XPO6: variants seen among roughly 807,000 people sequenced by gnomAD.
The protein encoded by XPO6 is exportin 6.
Under a neutral mutation model 130.0 loss-of-function variants are expected in XPO6, and 3 were observed. The observed-to-expected ratio is 0.02, with a 90% confidence interval of 0.01 to 0.06. The LOEUF is 0.06. XPO6 is among the 10% of genes least tolerant of loss of function. The pLI, the probability that XPO6 is intolerant of heterozygous loss-of-function variation, is 1.00. For synonymous variants in XPO6, 524 were observed against 548.9 expected (o/e 0.95, Z 0.63); for missense variants, 970 against 1,393.0 (o/e 0.70, Z 4.83).
intron 21 of XPO6, among the ~76,000 whole-genome samples, chr16:28,103,274 T>C (rs1382935929): frequency 2.6e-5 from 4 of 152,186 alleles, no homozygotes; most frequent in Non-Finnish European, 5.9e-5. Context: ...TTCTTTCACC[T>C]GACAGAATGC....
chr16:28,098,656 T>C lies in XPO6; in HGVS notation c.3277-17A>G, dbSNP rs1330908241. 3 of 1,596,528 alleles carry C rather than the reference T, an allele frequency of 1.9e-6. No homozygotes were observed. The highest frequency in any genetic ancestry group is 1.3e-5 in the African/African-American group (1 of 74,760). The stretch of plus-strand genomic sequence containing the variant: ...GGGCAGGTCCTGGAAGGCAGGGGCA[T>C]AGCTGCAGCCAACAACACACCAGGT... On this transcript the variant is annotated splice_polypyrimidine_tract_variant and intron_variant, in intron 23 of 23. Transcript: ENST00000304658.
At chr16:28,199,655 G>C (rs28658541) in intron 1 of XPO6, among the ~76,000 whole-genome samples, 106,588 of 151,524 alleles carry the variant, frequency 0.7, 37,605 homozygotes, top group East Asian at 0.89. Flanking sequence ...CAACCTCCAC[G>C]TCCTGGGTTC....
At chr16:28,168,260 G>T (rs1439401469) in intron 5 of XPO6, among the ~76,000 whole-genome samples, 1 of 152,136 alleles carries the variant, frequency 6.6e-6, no homozygotes, top group African/African-American at 2.4e-5. Context: ...TAAGGCAGGA[G>T]GATCACTTGA....
chr16:28,105,891 C>T (rs1225285960), intron 20 of XPO6, 152 bp downstream of exon 20: 13 of 1,135,330 alleles, frequency 1.1e-5, no homozygotes, highest in Non-Finnish European at 1.6e-5. Context: ...TGTACCACAC[C>T]ACTAAAGGCC....
At chr16:28,182,180 G>A (rs866178267) in intron 1 of XPO6, among the ~76,000 whole-genome samples, 31 of 152,160 alleles carry the variant, frequency 2.0e-4, no homozygotes, top group South Asian at 6.2e-4. Context: ...CATGGACTGA[G>A]ACCTGACTAT....
intron 13 of XPO6, among the ~76,000 whole-genome samples, chr16:28,124,679 A>C (rs2087347700): frequency 6.6e-6 from 1 of 152,258 alleles, no homozygotes; most frequent in Admixed American, 6.5e-5. Context: ...CAAAGTACAG[A>C]ACAAAATGAA....
intron 1 of XPO6, among the ~76,000 whole-genome samples, chr16:28,183,779 A>C (rs1375587648): frequency 2.0e-5 from 3 of 152,202 alleles, no homozygotes; most frequent in Non-Finnish European, 2.9e-5. Flanking sequence ...CTAGAGACTC[A>C]TGCCCTCAGG....
At chr16:28,196,416 G>C (rs1349128473) in intron 1 of XPO6, among the ~76,000 whole-genome samples, 1 of 152,192 alleles carries the variant, frequency 6.6e-6, no homozygotes, top group Non-Finnish European at 1.5e-5. Flanking sequence ...TGGGGCAAGG[G>C]AGAAAGGGGA....
chr16:28,167,290 CTT>C, intron 5 of XPO6: 1 of 985,444 alleles, frequency 1.0e-6, no homozygotes, highest in Non-Finnish European at 1.2e-6. Context: ...CCAAACTCAA[CTT>C]TTCGTTCCCC....
chr16:28,179,563 T>A (rs2043584108), intron 2 of XPO6, among the ~76,000 whole-genome samples: 1 of 152,146 alleles, frequency 6.6e-6, no homozygotes, highest in Non-Finnish European at 1.5e-5. Flanking sequence ...GATGCTTCTG[T>A]TTCCTCCACT....
intron 5 of XPO6, 133 bp downstream of exon 5, chr16:28,169,617 G>A: frequency 8.8e-7 from 1 of 1,139,414 alleles, no homozygotes; most frequent in South Asian, 1.5e-5. Context: ...ATAGGTGTTG[G>A]GAACGCAGCT....
At chr16:28,164,852 T>C (rs2043331363) in intron 6 of XPO6, among the ~76,000 whole-genome samples, 1 of 152,252 alleles carries the variant, frequency 6.6e-6, no homozygotes, top group Non-Finnish European at 1.5e-5. Context: ...GCATTTCTTC[T>C]ACAGTAAACT....
intron 17 of XPO6, among the ~76,000 whole-genome samples, chr16:28,109,003 C>T (rs1404526357): frequency 2.0e-5 from 3 of 152,186 alleles, no homozygotes; most frequent in Non-Finnish European, 2.9e-5. Flanking sequence ...GAGCCGTCCA[C>T]AACTACAAGC....
rs777326313 is a variant in XPO6, at chr16:28,166,559, G to A, written c.592C>T (p.His198Tyr). ...GGTGGAGTGGCAGCAGTAACACTGTGTTTGTCCCAGACAGTCTCCAAGATA... is the reference window on the plus strand; with the variant it reads ...GGTGGAGTGGCAGCAGTAACACTGTATTTGTCCCAGACAGTCTCCAAGATA... ...TGILETVWDK[H>Y]SVTAATPPPS... is the part of the protein sequence containing the mutation. Residue 198 changes from histidine (H) to tyrosine (Y), a missense_variant, in exon 6 of 24, where the codon CAC (histidine) becomes TAC (tyrosine). Around this residue, in one of 4 missense-constraint regions of XPO6, gnomAD observed 936 missense variants for 1,306.8 expected, o/e 0.72. Transcript: ENST00000304658. 7 of 1,590,266 alleles carry A rather than the reference G, an allele frequency of 4.4e-6. No homozygotes were observed. The South Asian group carries it at 6.8e-5, about 16-fold the overall frequency.
intron 1 of XPO6, among the ~76,000 whole-genome samples, chr16:28,197,335 C>G (rs2043880771): frequency 6.6e-6 from 1 of 152,078 alleles, no homozygotes; most frequent in Non-Finnish European, 1.5e-5. Context: ...TGTTAAGCCA[C>G]TATTTCTAAT....
chr16:28,180,500 T>C (rs1290484115), intron 2 of XPO6, among the ~76,000 whole-genome samples: 8 of 152,250 alleles, frequency 5.3e-5, no homozygotes, highest in Admixed American at 2.0e-4. Flanking sequence ...CAGCAAAACA[T>C]GTTCATTTTG....
intron 8 of XPO6, among the ~76,000 whole-genome samples, chr16:28,147,145 T>C (rs551387140): frequency 1.4e-4 from 22 of 152,316 alleles, no homozygotes; most frequent in Admixed American, 5.9e-4. Flanking sequence ...TTTCTTTCCA[T>C]TGCTGATCCA....
rs2043129457 is a variant in XPO6 at position 28,153,461 on chromosome 16, G to C, written c.1098-676C>G. On this transcript the variant is annotated intron_variant, in intron 7 of 23. Transcript: ENST00000304658. Reference sequence around the variant, plus strand: ...AAAGTCACTCAGCCAACTCATGGCAGAACAGGACTATCATCCACTCCCAAT... The same window carrying C: ...AAAGTCACTCAGCCAACTCATGGCACAACAGGACTATCATCCACTCCCAAT... 6 of 985,050 alleles carry C rather than the reference G, an allele frequency of 6.1e-6. No individual in the cohort carries two copies. The South Asian group carries it at 2.4e-4, about 39-fold the overall frequency. 61.0% of individuals were successfully genotyped at this position (985,050 alleles called of 1,614,324 possible).
chr16:28,155,896 A>T (rs2043176543), intron 7 of XPO6, 178 bp downstream of exon 7: 1 of 1,382,544 alleles, frequency 7.2e-7, no homozygotes, highest in South Asian at 1.8e-5. Context: ...CACTTCCCTT[A>T]ACCACCCAAG....
Sources: allele counts gnomAD v4.1 joint callset (sites outside exome capture counted in the v4.1 genomes callset), GRCh38; gene constraint gnomAD v4.1.1; regional missense constraint gnomAD v4.1.1; transcripts MANE v1.5; gene names NCBI Gene and HGNC (gene_info 2026-07-23, HGNC 2026-07-21).